The following ZNF407 variants were observed in gnomAD, a reference collection of about 807,000 sequenced individuals.
The protein encoded by ZNF407 is zinc finger protein 407.
A neutral mutation model predicts 131.2 loss-of-function variants in ZNF407; 17 were observed. The observed-to-expected ratio is 0.13, with a 90% CI of 0.09 to 0.19. The LOEUF (loss-of-function observed/expected upper bound fraction) is 0.19, where lower values mean the gene tolerates loss of function less well. ZNF407 is among the 10% of genes least tolerant of loss of function. The probability of loss-of-function intolerance (pLI) is 1.00; values close to 1 mark genes in which losing one functional copy is unlikely to be tolerated. For missense variants in ZNF407, 2,681 were observed against 2,830.6 expected (o/e 0.95, Z 1.20); for synonymous variants, 1,156 against 1,062.0 (o/e 1.09, Z -1.72).
chr18:74,884,258 G>A (rs1376766667), intron 6 of ZNF407, among the ~76,000 whole-genome samples: 1 of 151,958 alleles, frequency 6.6e-6, no homozygotes, highest in Non-Finnish European at 1.5e-5. Context: ...CTATATTTTT[G>A]TCTGCATATT....
intron 4 of ZNF407, among the ~76,000 whole-genome samples, chr18:74,861,584 A>T (rs1340317050): frequency 6.6e-6 from 1 of 152,224 alleles, no homozygotes; most frequent in African/African-American, 2.4e-5. Context: ...TGGTTATTTT[A>T]CATCTGAAGG....
rs1183755965 is a variant in ZNF407 at position 74,630,167 on chromosome 18, CT to C, written c.-53-779del. Among the ~76,000 whole-genome samples the C allele has an allele frequency of 6.9e-3, 832 of 120,246 alleles. 1 individual carries two copies. The highest frequency in any genetic ancestry group is 0.022 in the African/African-American group (680 of 31,524). 78.9% of individuals were successfully genotyped at this position (120,246 alleles called of 152,430 possible). A position where few individuals can be genotyped will look rare whatever the true frequency, so the allele number is the denominator to read the frequency against. ...GGAGAAAAGGATGAAACAGTGGTGT[CT>C]TTTTTTTTTTTTTTTTTTTTGAGAC... On this transcript the variant is annotated intron_variant, in intron 1 of 8. Transcript: ENST00000299687.
chr18:74,704,672 A>C (rs1412591457), intron 3 of ZNF407, among the ~76,000 whole-genome samples: 2 of 152,230 alleles, frequency 1.3e-5, no homozygotes, highest in Non-Finnish European at 2.9e-5. Context: ...CTTGATGGGA[A>C]GCATAAGTTT....
Position 74,957,747 on chromosome 18 carries a change from G to A in ZNF407, c.5428+37055G>A, listed in dbSNP as rs1599263479. ...GGGCGGGGATTTTAAAACTCTCTGAGCCTGTTTTATTTCCATAGAATGTGT... is the reference window on the plus strand; with the variant it reads ...GGGCGGGGATTTTAAAACTCTCTGAACCTGTTTTATTTCCATAGAATGTGT... On this transcript the variant is annotated intron_variant, in intron 8 of 8. Coordinates refer to ENST00000299687, the MANE Select transcript of ZNF407 (RefSeq NM_017757.3). Among the ~76,000 whole-genome samples, 3 of 152,144 alleles carry A rather than the reference G, an allele frequency of 2.0e-5. No individual in the cohort carries two copies. The East Asian group carries it at 5.8e-4, about 29-fold the overall frequency.
intron 3 of ZNF407, among the ~76,000 whole-genome samples, chr18:74,750,629 A>G (rs529236346): frequency 8.5e-5 from 13 of 152,294 alleles, no homozygotes; most frequent in African/African-American, 2.9e-4. Flanking sequence ...CATGGTCATC[A>G]GGATGATTTT....
intron 4 of ZNF407, among the ~76,000 whole-genome samples, chr18:74,863,257 C>A (rs557836948): frequency 1.3e-5 from 2 of 151,302 alleles, no homozygotes; most frequent in East Asian, 3.9e-4. Flanking sequence ...CATACTTCCA[C>A]CTCTTCTGCT....
rs535543555 is a variant in ZNF407, at chr18:74,612,732, A to G, written c.-54+14795A>G. ...GCATCTTGCAGTGACTCTGTGGGGTAGGCGTTATTAATAAGTGTTATCCTT... is the reference window on the plus strand; with the variant it reads ...GCATCTTGCAGTGACTCTGTGGGGTGGGCGTTATTAATAAGTGTTATCCTT... On this transcript the variant is annotated intron_variant, in intron 1 of 8. Transcript: ENST00000299687. Among the ~76,000 whole-genome samples, 10 of 152,322 alleles carry G rather than the reference A, an allele frequency of 6.6e-5. No individual in the cohort carries two copies. The East Asian group carries it at 1.7e-3, about 26-fold the overall frequency.
chr18:74,925,306 G>T (rs866274562), intron 8 of ZNF407, among the ~76,000 whole-genome samples: 1 of 152,070 alleles, frequency 6.6e-6, no homozygotes, highest in Non-Finnish European at 1.5e-5. Flanking sequence ...TCTAAGATAA[G>T]CAGTTTGGTG....
intron 4 of ZNF407, chr18:74,804,101 A>G: frequency 1.3e-6 from 2 of 1,544,072 alleles, no homozygotes; most frequent in Non-Finnish European, 1.7e-6. Context: ...GGATTGGCTG[A>G]GGACTTATTT....
chr18:74,686,259 C>T (rs1967094434), intron 3 of ZNF407, among the ~76,000 whole-genome samples: 1 of 152,158 alleles, frequency 6.6e-6, no homozygotes, highest in Non-Finnish European at 1.5e-5. Context: ...ATGTTTTGTT[C>T]TCTTCCAAAT....
At chr18:74,755,251 C>T (rs1164622573) in intron 3 of ZNF407, among the ~76,000 whole-genome samples, 11 of 152,032 alleles carry the variant, frequency 7.2e-5, no homozygotes, top group Non-Finnish European at 1.2e-4. Flanking sequence ...TGTCTCTGCA[C>T]ATGAGATGGG....
At chr18:74,773,548 G>T (rs1267303254) in intron 3 of ZNF407, among the ~76,000 whole-genome samples, 1 of 152,132 alleles carries the variant, frequency 6.6e-6, no homozygotes, top group Non-Finnish European at 1.5e-5. Flanking sequence ...TTACTAGAGA[G>T]CTTAAAGAAG....
At chr18:74,926,453 T>A (rs977065214) in intron 8 of ZNF407, among the ~76,000 whole-genome samples, 32 of 152,338 alleles carry the variant, frequency 2.1e-4, no homozygotes, top group African/African-American at 7.2e-4. Context: ...ACCTCTTTTT[T>A]CTTGAATAAT....
intron 3 of ZNF407, among the ~76,000 whole-genome samples, chr18:74,661,332 G>A (rs913870426): frequency 3.3e-5 from 5 of 150,594 alleles, no homozygotes; most frequent in African/African-American, 1.2e-4. Flanking sequence ...TGTAAGCTTA[G>A]TAACCTGACT....
At position 74,802,929 on chromosome 18, in the gene ZNF407, T is replaced by G. The variant is rs374859684; in HGVS notation, c.4877+21427T>G. 3.5e-4 allele frequency among the ~76,000 whole-genome samples: 53 copies of G among 152,258 alleles called. No homozygotes were observed. The East Asian group carries it at 7.1e-3, about 20-fold the overall frequency. On this transcript the variant is annotated intron_variant, in intron 4 of 8. Coordinates refer to ENST00000299687, the MANE Select transcript of ZNF407 (RefSeq NM_017757.3). ...AGGAATGTGTTTTTTTGTTGTTGTT[T>G]TTTTCTTTTTTTTTAACTTTGCCAG...
intron 4 of ZNF407, among the ~76,000 whole-genome samples, chr18:74,842,038 C>T (rs1037985904): frequency 3.3e-5 from 5 of 152,190 alleles, no homozygotes; most frequent in African/African-American, 1.2e-4. Flanking sequence ...ATTAAGATAG[C>T]TTAGTCTTAC....
intron 2 of ZNF407, among the ~76,000 whole-genome samples, chr18:74,637,940 G>A (rs1232066786): frequency 1.3e-5 from 2 of 152,136 alleles, no homozygotes; most frequent in South Asian, 2.1e-4. Context: ...ATGCTACTAC[G>A]AAGTAATCAA....
intron 3 of ZNF407, among the ~76,000 whole-genome samples, chr18:74,751,160 T>A (rs753356598): frequency 3.3e-5 from 5 of 152,150 alleles, no homozygotes; most frequent in Non-Finnish European, 7.4e-5. Context: ...CATTTGTGCT[T>A]TGGTGTTATA....
chr18:74,993,614 A>G (rs1972744421), intron 8 of ZNF407, among the ~76,000 whole-genome samples: 2 of 152,364 alleles, frequency 1.3e-5, no homozygotes, highest in Non-Finnish European at 2.9e-5. Context: ...TATCCAATTA[A>G]CTGACTATAA....
Sources: allele counts gnomAD v4.1 joint callset (sites outside exome capture counted in the v4.1 genomes callset), GRCh38; gene constraint gnomAD v4.1.1; transcripts MANE v1.5; gene names NCBI Gene and HGNC (gene_info 2026-07-23, HGNC 2026-07-21).